TOX: variants seen among roughly 807,000 people sequenced by gnomAD.
TOX encodes thymocyte selection-associated high mobility group box protein TOX.
Under a neutral mutation model 53.7 loss-of-function variants are expected in TOX, and 11 were observed. That is an observed-to-expected ratio of 0.20 (90% confidence interval 0.13 to 0.34). TOX has a LOEUF of 0.34. Among genes scored for constraint, TOX ranks in the 10% least tolerant of loss-of-function variants. The pLI is 1.00. For synonymous variants in TOX, 225 were observed against 245.3 expected, an observed-to-expected ratio of 0.92 and a Z score of 0.77; for missense variants, 570 against 664.6, an observed-to-expected ratio of 0.86 and a Z score of 1.56.
At position 58,808,125 on chromosome 8, in the gene TOX, T is replaced by C. The variant is rs1033441190; in HGVS notation, c.1537A>G (p.Ser513Gly). ...CGATGACCGGCCGCTTACCCACTAC[T>C]GCAGTAGTCGTTATTCCAGTCCACC... ...QPVDWNNDYC[S>G]SGGMQRDKAL... The change falls in exon 8 of 9, where the codon AGT (serine) becomes GGT (glycine). Residue 513 changes from serine (S) to glycine (G), a missense_variant. Ser to Gly is a moderately conservative substitution (Grantham distance 56). This residue lies in a region of TOX where 239 missense variants were observed against 250.7 expected (regional missense o/e 0.95). Coordinates refer to ENST00000361421, the MANE Select transcript of TOX (RefSeq NM_014729.3). 6.2e-6 allele frequency: 10 copies of C among 1,612,850 alleles called. No homozygotes were observed. The highest frequency in any genetic ancestry group is 8.5e-6 in the Non-Finnish European group (10 of 1,179,450).
intron 1 of TOX, among the ~76,000 whole-genome samples, chr8:59,042,882 T>C (rs1377694479): frequency 1.3e-5 from 2 of 152,184 alleles, no homozygotes; most frequent in Non-Finnish European, 2.9e-5. Flanking sequence ...TCATATACAA[T>C]GTGGAATGAC....
At chr8:59,018,619 C>T (rs1814059764) in intron 1 of TOX, among the ~76,000 whole-genome samples, 1 of 152,048 alleles carries the variant, frequency 6.6e-6, no homozygotes, top group African/African-American at 2.4e-5. Flanking sequence ...GCTTTCCCAC[C>T]ATTTTACTCT....
intron 5 of TOX, among the ~76,000 whole-genome samples, chr8:58,829,648 T>G (rs1810420537): frequency 6.6e-6 from 1 of 152,294 alleles, no homozygotes; most frequent in South Asian, 2.1e-4. Flanking sequence ...CTTTGAGAAC[T>G]ACCTGATGGC....
chr8:58,962,945 C>T (rs902099714), intron 1 of TOX, among the ~76,000 whole-genome samples: 5 of 152,088 alleles, frequency 3.3e-5, no homozygotes, highest in East Asian at 3.9e-4. Context: ...TGTTTCTGAG[C>T]GAGAATAACA....
At chr8:58,920,773 C>T in intron 3 of TOX, among the ~76,000 whole-genome samples, 1 of 130,508 alleles carries the variant, frequency 7.7e-6, no homozygotes, top group South Asian at 2.7e-4. Context: ...AATCTCTGAT[C>T]TAGACAGTAA....
intron 1 of TOX, among the ~76,000 whole-genome samples, chr8:58,963,245 T>C (rs889417410): frequency 1.3e-5 from 2 of 152,052 alleles, no homozygotes; most frequent in Non-Finnish European, 2.9e-5. Context: ...TCAGTATCCA[T>C]AATCATGTCA....
intron 1 of TOX, among the ~76,000 whole-genome samples, chr8:59,062,141 A>C (rs1803996659): frequency 6.6e-6 from 1 of 152,118 alleles, no homozygotes; most frequent in Admixed American, 6.5e-5. Flanking sequence ...CCCAAACCTA[A>C]AAGTCAGGTG....
At chr8:58,904,995 C>T (rs1258107522) in intron 3 of TOX, among the ~76,000 whole-genome samples, 3 of 152,162 alleles carry the variant, frequency 2.0e-5, no homozygotes, top group Non-Finnish European at 4.4e-5. Flanking sequence ...TAGAGTGGTA[C>T]GATCTTGGCT....
intron 3 of TOX, among the ~76,000 whole-genome samples, chr8:58,903,053 A>G (rs1811755576): frequency 6.6e-6 from 1 of 152,226 alleles, no homozygotes; most frequent in Non-Finnish European, 1.5e-5. Flanking sequence ...CTTTACCATT[A>G]AAAAAGTCTT....
At chr8:59,085,150 A>C (rs1804483784) in intron 1 of TOX, among the ~76,000 whole-genome samples, 1 of 152,346 alleles carries the variant, frequency 6.6e-6, no homozygotes, top group Non-Finnish European at 1.5e-5. Flanking sequence ...TCTGAGAGGA[A>C]CTTTACTACC....
At chr8:58,902,744 C>CT (rs1192991341) in intron 3 of TOX, among the ~76,000 whole-genome samples, 1 of 152,218 alleles carries the variant, frequency 6.6e-6, no homozygotes, top group Non-Finnish European at 1.5e-5. Flanking sequence ...ACACCTGCCA[C>CT]TTCACAATGA....
chr8:58,974,658 A>T (rs960142940), intron 1 of TOX, among the ~76,000 whole-genome samples: 2 of 152,106 alleles, frequency 1.3e-5, no homozygotes, highest in African/African-American at 4.8e-5. Flanking sequence ...TGGAGTTATA[A>T]TCACTCTCGG....
intron 1 of TOX, among the ~76,000 whole-genome samples, chr8:59,019,239 T>G (rs1394275598): frequency 6.6e-6 from 1 of 152,222 alleles, no homozygotes; most frequent in Non-Finnish European, 1.5e-5. Context: ...AGATAATTGA[T>G]AGACTACAGA....
At chr8:58,871,394 T>C (rs1312945869) in intron 3 of TOX, among the ~76,000 whole-genome samples, 1 of 152,134 alleles carries the variant, frequency 6.6e-6, no homozygotes, top group East Asian at 1.9e-4. Flanking sequence ...TAAACCATAA[T>C]ATATACAAAT....
Position 58,953,094 on chromosome 8 carries a change from T to C in TOX, c.168+6849A>G, listed in dbSNP as rs529769845. Among the ~76,000 whole-genome samples the C allele has an allele frequency of 3.5e-4, 53 of 152,232 alleles. 1 individual carries two copies. In the South Asian group the frequency reaches 0.011, roughly 31 times the overall value. ...TTTTCATGTAGATGATCATTTTAGC[T>C]AATGGAGTCAATACCCAACTAAAAT... is the stretch of plus-strand genomic sequence containing the variant. On this transcript the variant is annotated intron_variant, in intron 2 of 8. Transcript: ENST00000361421.
intron 2 of TOX, among the ~76,000 whole-genome samples, chr8:58,956,939 C>T (rs908543976): frequency 6.6e-6 from 1 of 152,188 alleles, no homozygotes; most frequent in African/African-American, 2.4e-5. Flanking sequence ...TAACTATAGT[C>T]CTCATGTTGC....
chr8:58,847,165 A>G (rs1810731624), intron 4 of TOX, among the ~76,000 whole-genome samples: 1 of 152,162 alleles, frequency 6.6e-6, no homozygotes, highest in Non-Finnish European at 1.5e-5. Flanking sequence ...AGTTTTCATA[A>G]ATATTAATTC....
chr8:59,026,571 A>T (rs1350999450), intron 1 of TOX, among the ~76,000 whole-genome samples: 2 of 152,190 alleles, frequency 1.3e-5, no homozygotes, highest in Non-Finnish European at 2.9e-5. Context: ...TTTGGATAAG[A>T]AAGCTTACAG....
chr8:59,068,997 G>A (rs1303446999), intron 1 of TOX, among the ~76,000 whole-genome samples: 9 of 152,152 alleles, frequency 5.9e-5, no homozygotes, highest in Admixed American at 5.2e-4. Context: ...GTGAATTCAC[G>A]ATGGATTGAA....
Sources: allele counts gnomAD v4.1 joint callset (sites outside exome capture counted in the v4.1 genomes callset), GRCh38; gene constraint gnomAD v4.1.1; regional missense constraint gnomAD v4.1.1; transcripts MANE v1.5; gene names NCBI Gene and HGNC (gene_info 2026-07-23, HGNC 2026-07-21).